DCDC1: variants seen among roughly 807,000 people sequenced by gnomAD.
The protein encoded by DCDC1 is doublecortin domain containing 1.
In DCDC1, 200 loss-of-function variants were observed where a neutral mutation model predicts 178.3. The observed-to-expected ratio is 1.12, with a 90% CI of 1.00 to 1.26. The LOEUF (loss-of-function observed/expected upper bound fraction) is 1.26. Ranked by LOEUF, DCDC1 falls within the 50% of genes most tolerant of loss-of-function variation. The pLI is 0.00. For missense variants in DCDC1, 1,983 were observed against 1,749.2 expected (o/e 1.13, Z -2.38); for synonymous variants, 690 against 604.8 (o/e 1.14, Z -2.07).
chr11:31,315,491 C>T (rs1189272359), intron 3 of DCDC1, among the ~76,000 whole-genome samples: 5 of 151,240 alleles, frequency 3.3e-5, no homozygotes, highest in Non-Finnish European at 7.4e-5. Flanking sequence ...TGCACGCTGC[C>T]ATGCCCGGCT....
At chr11:31,314,842 T>C (rs1284194759) in intron 3 of DCDC1, among the ~76,000 whole-genome samples, 3 of 152,194 alleles carry the variant, frequency 2.0e-5, no homozygotes, top group Admixed American at 6.5e-5. Flanking sequence ...ATGATGGTGA[T>C]ATCTCATTAT....
chr11:30,956,495 T>C (rs903554280), intron 20 of DCDC1, among the ~76,000 whole-genome samples: 21 of 152,182 alleles, frequency 1.4e-4, no homozygotes, highest in Non-Finnish European at 2.1e-4. Flanking sequence ...CAACACAACA[T>C]AGTTGTATCC....
At chr11:30,941,483 T>G (rs958000644) in intron 21 of DCDC1, among the ~76,000 whole-genome samples, 1 of 152,192 alleles carries the variant, frequency 6.6e-6, no homozygotes, top group Non-Finnish European at 1.5e-5. Context: ...TCATCTCAGT[T>G]GTTTACATTT....
chr11:31,049,375 C>G (rs572985701), intron 20 of DCDC1, among the ~76,000 whole-genome samples: 8 of 152,176 alleles, frequency 5.3e-5, no homozygotes, highest in African/African-American at 1.9e-4. Context: ...TTTTTGTATA[C>G]ATTTTTATTT....
At chr11:30,965,429 G>A (rs1416712303) in intron 20 of DCDC1, among the ~76,000 whole-genome samples, 1 of 152,088 alleles carries the variant, frequency 6.6e-6, no homozygotes, top group Non-Finnish European at 1.5e-5. Flanking sequence ...CCCACAATGA[G>A]TAGAGGATCA....
At chr11:31,207,311 T>C (rs1414531236) in intron 9 of DCDC1, among the ~76,000 whole-genome samples, 1 of 152,210 alleles carries the variant, frequency 6.6e-6, no homozygotes, top group Non-Finnish European at 1.5e-5. Context: ...TACTAAATAT[T>C]ATAAAGGTAA....
Position 30,915,502 on chromosome 11 carries a change from T to C in DCDC1, c.3653+9A>G, listed in dbSNP as rs1945769497. 1 of 1,613,854 alleles carries C rather than the reference T, an allele frequency of 6.2e-7. No homozygotes were observed. Among genetic ancestry groups the C allele is most frequent in the East Asian group, 2.2e-5 (1 of 44,870 alleles). ...TTTGATATAGTAAACCCAAATATAA[T>C]GGGATTACCTGCTGTCTTCCTGGTG... On this transcript the variant is annotated intron_variant, in intron 27 of 38. Transcript: ENST00000684477.
intron 20 of DCDC1, among the ~76,000 whole-genome samples, chr11:31,060,891 T>A (rs1279630197): frequency 6.6e-6 from 1 of 152,192 alleles, no homozygotes; most frequent in Non-Finnish European, 1.5e-5. Flanking sequence ...TTAAAGCACA[T>A]TTTAATTGAA....
chr11:31,036,097 T>A (rs1954006974), intron 20 of DCDC1, among the ~76,000 whole-genome samples: 1 of 152,210 alleles, frequency 6.6e-6, no homozygotes, highest in Non-Finnish European at 1.5e-5. Context: ...TTTTAAGTAA[T>A]CGCTGTGAAG....
intron 9 of DCDC1, among the ~76,000 whole-genome samples, chr11:31,170,963 G>C (rs1967143241): frequency 6.6e-6 from 1 of 152,030 alleles, no homozygotes; most frequent in South Asian, 2.1e-4. Context: ...TGAGCAGCTG[G>C]GATTACAGGC....
Position 30,915,522 on chromosome 11 carries a change from C to T in DCDC1, c.3642G>A (p.Gln1214=). The change falls in exon 27 of 39, where the codon CAG becomes CAA. Residue 1214 remains glutamine, a synonymous_variant. Transcript: ENST00000684477. ...SDGSHQRWIH[Q]EDSRTFHLVS... is the part of the protein sequence containing the mutation. The stretch of plus-strand genomic sequence containing the variant: ...TATAATGGGATTACCTGCTGTCTTC[C>T]TGGTGTATCCAGCGCTGATGACTAC... 6.2e-7 allele frequency: 1 copy of T among 1,613,924 alleles called. No individual in the cohort carries two copies. Among genetic ancestry groups the T allele is most frequent in the Non-Finnish European group, 8.5e-7 (1 of 1,179,842 alleles).
At chr11:30,944,915 T>G (rs1350805914) in intron 21 of DCDC1, among the ~76,000 whole-genome samples, 2 of 149,388 alleles carry the variant, frequency 1.3e-5, no homozygotes, top group Non-Finnish European at 3.0e-5. Flanking sequence ...TATTCATGCC[T>G]AAGATTATGT....
intron 9 of DCDC1, among the ~76,000 whole-genome samples, chr11:31,140,005 G>A (rs1478979281): frequency 6.6e-6 from 1 of 152,092 alleles, no homozygotes; most frequent in African/African-American, 2.4e-5. Flanking sequence ...AGAGGAAATC[G>A]CTGAAAGTAA....
intron 20 of DCDC1, among the ~76,000 whole-genome samples, chr11:31,030,154 C>A (rs946195110): frequency 4.7e-5 from 7 of 148,672 alleles, no homozygotes; most frequent in Admixed American, 4.7e-4. Context: ...TTTTTCCTGG[C>A]AATTTTGAAC....
At chr11:30,993,691 C>T (rs1343056962) in intron 20 of DCDC1, among the ~76,000 whole-genome samples, 1 of 151,850 alleles carries the variant, frequency 6.6e-6, no homozygotes, top group Non-Finnish European at 1.5e-5. Context: ...AACTCTATGC[C>T]CATATATATG....
chr11:31,234,866 T>C (rs545027479), intron 9 of DCDC1, among the ~76,000 whole-genome samples: 2 of 152,220 alleles, frequency 1.3e-5, no homozygotes, highest in Admixed American at 6.5e-5. Flanking sequence ...TCAGGGAATC[T>C]ATCAAACACA....
At chr11:31,086,604 A>G (rs1957491311) in intron 17 of DCDC1, among the ~76,000 whole-genome samples, 1 of 152,118 alleles carries the variant, frequency 6.6e-6, no homozygotes, top group African/African-American at 2.4e-5. Context: ...TTGGTGTCAT[A>G]TCTGAGAAAG....
At chr11:31,278,444 T>C (rs771912415) in intron 7 of DCDC1, among the ~76,000 whole-genome samples, 68 of 152,082 alleles carry the variant, frequency 4.5e-4, no homozygotes, top group Non-Finnish European at 7.5e-4. Context: ...ATTTCACTTA[T>C]ATGTGAAAAC....
chr11:31,119,092 C>T (rs1361008185), intron 11 of DCDC1, among the ~76,000 whole-genome samples: 1 of 152,066 alleles, frequency 6.6e-6, no homozygotes, highest in Non-Finnish European at 1.5e-5. Flanking sequence ...GAAAAGAGCG[C>T]TGCAAAGAAG....
Sources: gnomAD v4.1 joint callset for allele counts (sites outside exome capture counted in the v4.1 genomes callset) on GRCh38, gnomAD v4.1.1 for gene constraint, MANE v1.5 for transcripts, NCBI Gene and HGNC (gene_info 2026-07-23, HGNC 2026-07-21) for gene names.